MTFR1: variants seen among roughly 807,000 people sequenced by gnomAD.
The protein encoded by MTFR1 is chondrocyte protein with a poly-proline region.
MTFR1 carries 28 observed loss-of-function variants against 38.8 expected under a neutral mutation model. The ratio of observed to expected loss-of-function variants is 0.72; its 90% confidence interval spans 0.53 to 0.99. The LOEUF (loss-of-function observed/expected upper bound fraction) is 0.99, where lower values mean the gene tolerates loss of function less well. Ranked by LOEUF, MTFR1 falls within the 50% of genes least tolerant of loss-of-function variation. The pLI, the probability that MTFR1 is intolerant of heterozygous loss-of-function variation, is 0.00. For missense variants in MTFR1, 358 were observed against 395.5 expected (o/e 0.91, Z 0.81); for synonymous variants, 145 against 137.0 (o/e 1.06, Z -0.41).
At chr8:65,665,175 C>A (rs371826997) in intron 1 of MTFR1, among the ~76,000 whole-genome samples, 1 of 151,480 alleles carries the variant, frequency 6.6e-6, no homozygotes. Flanking sequence ...CCTCATAATC[C>A]GCCCACCTCA....
At chr8:65,661,284 G>T (rs1196230571) in intron 1 of MTFR1, among the ~76,000 whole-genome samples, 3 of 152,240 alleles carry the variant, frequency 2.0e-5, no homozygotes, top group African/African-American at 7.2e-5. Flanking sequence ...GTGGGATATT[G>T]ATAGTGGGAA....
Position 65,682,375 on chromosome 8 carries a change from A to G in MTFR1, c.89A>G (p.Tyr30Cys), listed in dbSNP as rs371712074. The change falls in exon 3 of 8, where the codon TAT (tyrosine) becomes TGT (cysteine). Residue 30 changes from tyrosine (Y) to cysteine (C), a missense_variant. Tyr to Cys is a radical substitution (Grantham distance 194). Coordinates refer to ENST00000262146, the MANE Select transcript of MTFR1 (RefSeq NM_014637.4). ...MQSVLWSRKPYGSSRSIVRKI... is the reference protein window; with the variant it reads ...MQSVLWSRKPCGSSRSIVRKI... ...CAGGTACTTTGGTCTAGGAAGCCATATGGTTCGTCTCGAAGTATCGTAAGG... is the reference window on the plus strand; with the variant it reads ...CAGGTACTTTGGTCTAGGAAGCCATGTGGTTCGTCTCGAAGTATCGTAAGG... 11 of 1,569,352 alleles carry G rather than the reference A, an allele frequency of 7.0e-6. No individual in the cohort carries two copies. In the East Asian group the frequency reaches 1.4e-4, roughly 20 times the overall value.
chr8:65,723,910 G>A (rs906710157), intron 3 of MTFR1, among the ~76,000 whole-genome samples: 6 of 152,014 alleles, frequency 3.9e-5, no homozygotes, highest in African/African-American at 1.2e-4. Context: ...TCCTGGATCC[G>A]GGTTTTAAAT....
At chr8:65,729,178 CAT>C (rs1316656398) in intron 3 of MTFR1, among the ~76,000 whole-genome samples, 2 of 152,084 alleles carry the variant, frequency 1.3e-5, no homozygotes, top group Non-Finnish European at 2.9e-5. Flanking sequence ...GATTATTTAA[CAT>C]ATGTGAAGGT....
chr8:65,694,338 G>C (rs1418067565), intron 4 of MTFR1, among the ~76,000 whole-genome samples: 3 of 151,990 alleles, frequency 2.0e-5, no homozygotes, highest in Admixed American at 2.0e-4. Flanking sequence ...CCCTCCTAAA[G>C]TGCTGGGATT....
intron 3 of MTFR1, among the ~76,000 whole-genome samples, chr8:65,747,330 G>C (rs1807718619): frequency 1.3e-5 from 2 of 152,182 alleles, no homozygotes; most frequent in South Asian, 2.1e-4. Context: ...GACATGATTA[G>C]ATCAGGTAAT....
intron 3 of MTFR1, among the ~76,000 whole-genome samples, chr8:65,768,836 A>G (rs1808929720): frequency 6.6e-6 from 1 of 152,216 alleles, no homozygotes; most frequent in South Asian, 2.1e-4. Flanking sequence ...AGAATAATAG[A>G]TAATAAAAGA....
intron 2 of MTFR1, among the ~76,000 whole-genome samples, chr8:65,677,631 C>T (rs1437004789): frequency 4.0e-5 from 6 of 151,148 alleles, no homozygotes; most frequent in Admixed American, 1.3e-4. Flanking sequence ...CCGCCCACCT[C>T]GGTCTCCCAA....
intron 3 of MTFR1, among the ~76,000 whole-genome samples, chr8:65,740,504 G>C (rs374573482): frequency 1.3e-5 from 2 of 152,008 alleles, no homozygotes; most frequent in African/African-American, 4.8e-5. Flanking sequence ...GAGTTCAAGC[G>C]ATTCTCCTGC....
chr8:65,660,137 A>G (rs1486294041), intron 1 of MTFR1, among the ~76,000 whole-genome samples: 4 of 152,080 alleles, frequency 2.6e-5, no homozygotes, highest in African/African-American at 4.8e-5. Context: ...TAAAAATACA[A>G]AAAATTAGCC....
At chr8:65,723,662 C>G in intron 3 of MTFR1, 1 of 1,346,526 alleles carries the variant, frequency 7.4e-7, no homozygotes, top group Middle Eastern at 2.4e-4. Flanking sequence ...TGAAGAATAT[C>G]TATTGGTTAA....
At chr8:65,662,020 C>CCT (rs1391434193) in intron 1 of MTFR1, among the ~76,000 whole-genome samples, 1 of 136,990 alleles carries the variant, frequency 7.3e-6, no homozygotes, top group Non-Finnish European at 1.6e-5. Flanking sequence ...TCTCTCTCTC[C>CCT]CTCTCTCTCT....
chr8:65,674,485 G>A (rs975681011), intron 2 of MTFR1, among the ~76,000 whole-genome samples: 5 of 151,884 alleles, frequency 3.3e-5, no homozygotes, highest in African/African-American at 1.2e-4. Context: ...GGTGGTGTAT[G>A]CCTGTAGTCC....
intron 3 of MTFR1, among the ~76,000 whole-genome samples, chr8:65,685,302 A>T (rs1431103641): frequency 6.6e-6 from 1 of 152,238 alleles, no homozygotes; most frequent in Non-Finnish European, 1.5e-5. Flanking sequence ...GCAAGTGGAC[A>T]TCATTATACT....
intron 3 of MTFR1, among the ~76,000 whole-genome samples, chr8:65,764,380 T>A (rs1808663475): frequency 6.6e-6 from 1 of 152,064 alleles, no homozygotes; most frequent in African/African-American, 2.4e-5. Context: ...CAAACTCGAG[T>A]CTGAATGAGA....
intron 3 of MTFR1, among the ~76,000 whole-genome samples, chr8:65,740,399 T>C (rs1807361997): frequency 1.3e-5 from 2 of 151,890 alleles, no homozygotes; most frequent in African/African-American, 4.8e-5. Flanking sequence ...AGCCCTCAAG[T>C]TTCCTTTTCT....
At chr8:65,682,310 G>A (rs746275295) in intron 2 of MTFR1, 43 bp from the exon 3 acceptor site, 4 of 1,021,302 alleles carry the variant, frequency 3.9e-6, no homozygotes, top group Admixed American at 2.1e-5. Context: ...TAACAGTTCT[G>A]TACATCTTGT....
chr8:65,726,487 A>G (rs869151), intron 3 of MTFR1, among the ~76,000 whole-genome samples: 73,318 of 152,030 alleles, frequency 0.48, 18,717 homozygotes, highest in Non-Finnish European at 0.56. Flanking sequence ...TAATGAATCT[A>G]TTTAATGTAA....
At chr8:65,665,849 C>A (rs979018414) in intron 1 of MTFR1, among the ~76,000 whole-genome samples, 1 of 152,220 alleles carries the variant, frequency 6.6e-6, no homozygotes, top group Admixed American at 6.5e-5. Context: ...TCCATCTATT[C>A]TTTTCCATTC....
Sources: allele counts gnomAD v4.1 joint callset (sites outside exome capture counted in the v4.1 genomes callset), GRCh38; gene constraint gnomAD v4.1.1; transcripts MANE v1.5; gene names NCBI Gene and HGNC (gene_info 2026-07-23, HGNC 2026-07-21).